The following CASP4 variants were observed in gnomAD, a reference collection of about 807,000 sequenced individuals.
The protein encoded by CASP4 is caspase-4.
A neutral mutation model predicts 41.3 loss-of-function variants in CASP4; 29 were observed. The ratio of observed to expected loss-of-function variants is 0.70; its 90% CI spans 0.52 to 0.96. The LOEUF is 0.96. Ranked by LOEUF, CASP4 falls within the 40% of genes least tolerant of loss-of-function variation. The probability of loss-of-function intolerance (pLI) is 0.00; values close to 1 mark genes in which losing one functional copy is unlikely to be tolerated. For missense variants in CASP4, 447 were observed against 460.6 expected (o/e 0.97, Z 0.27); for synonymous variants, 185 against 158.4 (o/e 1.17, Z -1.26).
At position 104,948,708 on chromosome 11, in the gene CASP4, G is replaced by A. The variant is rs56205642; in HGVS notation, c.782-32C>T. The stretch of plus-strand genomic sequence containing the variant: ...AGACATTAACTTTCTGCACACTGCT[G>A]TGCCTCCCACAGAATGGCTGTCACA... On this transcript the variant is annotated intron_variant, in intron 5 of 8. Coordinates refer to ENST00000444739, the MANE Select transcript of CASP4 (RefSeq NM_001225.4). The A allele has an allele frequency of 4.6e-4, 709 of 1,543,566 alleles. 4 individuals carry two copies. The African/African-American group carries it at 8.7e-3, about 19-fold the overall frequency.
At chr11:104,959,446 CAAAT>C (rs1203505279) in intron 1 of CASP4, among the ~76,000 whole-genome samples, 17 of 152,116 alleles carry the variant, frequency 1.1e-4, no homozygotes, top group African/African-American at 2.2e-4. Context: ...GTTTATTTGT[CAAAT>C]AAATAAATAA....
intron 1 of CASP4, among the ~76,000 whole-genome samples, chr11:104,961,465 CTTGTCTGT>C (rs57939248): frequency 0.015 from 2,298 of 151,952 alleles, 59 homozygotes; most frequent in African/African-American, 0.053. Flanking sequence ...CTTCTCTCGA[CTTGTCTGT>C]AGCTCTATGA....
At chr11:104,967,908 A>T (rs567685690) in intron 1 of CASP4, among the ~76,000 whole-genome samples, 1 of 152,158 alleles carries the variant, frequency 6.6e-6, no homozygotes, top group Non-Finnish European at 1.5e-5. Flanking sequence ...AGGTGACCTA[A>T]AAGTTGTGTG....
At position 104,949,762 on chromosome 11, in the gene CASP4, G is replaced by A; in HGVS notation, c.562C>T (p.Leu188=). 6.2e-7 allele frequency: 1 copy of A among 1,613,782 alleles called. No homozygotes were observed. The highest frequency in any genetic ancestry group is 8.5e-7 in the Non-Finnish European group (1 of 1,179,836). ...NLTARDMESA[L]RAFATRPEHK... The stretch of plus-strand genomic sequence containing the variant: ...TCTGGTCTGGTAGCAAATGCCCTCA[G>A]CGCTGACTCCATATCCTGTAAAAGA... Residue 188 remains leucine (L), a synonymous_variant, in exon 5 of 9, where the codon CTG becomes TTG. Coordinates refer to ENST00000444739, the MANE Select transcript of CASP4 (RefSeq NM_001225.4).
At chr11:104,946,722 C>T (rs999163891) in intron 7 of CASP4, 1 of 166,402 alleles carries the variant, frequency 6.0e-6, no homozygotes, top group African/African-American at 2.4e-5. Context: ...TCATGTAGGC[C>T]TCATTTACCC....
chr11:104,946,041 T>A (rs1860450716), intron 7 of CASP4, among the ~76,000 whole-genome samples: 1 of 152,032 alleles, frequency 6.6e-6, no homozygotes, highest in African/African-American at 2.4e-5. Flanking sequence ...AGATGGGTTT[T>A]GCCATGTTGC....
intron 1 of CASP4, among the ~76,000 whole-genome samples, chr11:104,959,577 C>T (rs762603287): frequency 6.9e-4 from 105 of 152,282 alleles, no homozygotes; most frequent in Non-Finnish European, 1.2e-3. Context: ...ATGTGGATGT[C>T]GGTATTGAAA....
chr11:104,968,190 CAAAA>C (rs1861017208), intron 1 of CASP4, among the ~76,000 whole-genome samples: 7 of 152,138 alleles, frequency 4.6e-5, no homozygotes, highest in Admixed American at 3.9e-4. Context: ...AATTTGGAAT[CAAAA>C]GAAAGATTTC....
intron 7 of CASP4, chr11:104,946,639 C>G (rs1283140341): frequency 6.6e-6 from 1 of 152,412 alleles, no homozygotes; most frequent in African/African-American, 2.4e-5. Flanking sequence ...TCTGTAAGCA[C>G]ATATTTGTTT....
At chr11:104,943,061 C>T (rs1200173004) in intron 8 of CASP4, 88 bp from the exon 9 acceptor site, 2 of 435,642 alleles carry the variant, frequency 4.6e-6, no homozygotes, top group Non-Finnish European at 9.2e-6. Context: ...CTTGCATCCT[C>T]TTCCATGTGC....
chr11:104,943,071 C>A (rs1261217112), intron 8 of CASP4, 98 bp from the exon 9 acceptor site: 2 of 419,648 alleles, frequency 4.8e-6, no homozygotes, highest in Admixed American at 2.8e-5. Context: ...CTTCCATGTG[C>A]TCTTGCCACT....
intron 8 of CASP4, chr11:104,944,392 G>C: frequency 5.1e-6 from 1 of 197,626 alleles, no homozygotes; most frequent in East Asian, 1.3e-4. Flanking sequence ...GTGTGTGTGT[G>C]TGTAAGAAAG....
At chr11:104,955,510 AC>A (rs1484668695) in intron 1 of CASP4, among the ~76,000 whole-genome samples, 1 of 152,028 alleles carries the variant, frequency 6.6e-6, no homozygotes, top group Non-Finnish European at 1.5e-5. Context: ...TACATCCTAT[AC>A]CCACATCTTT....
chr11:104,949,243 C>T, intron 5 of CASP4: 1 of 416,380 alleles, frequency 2.4e-6, no homozygotes, highest in Non-Finnish European at 4.4e-6. Context: ...ATTTACAAAT[C>T]AAGCTATCAT....
intron 8 of CASP4, 38 bp from the exon 9 acceptor site, chr11:104,943,011 AC>A: frequency 4.4e-6 from 2 of 453,932 alleles, no homozygotes; most frequent in Non-Finnish European, 4.4e-6. Flanking sequence ...CAAGATGGTT[AC>A]CCCTTGCTGC....
intron 1 of CASP4, among the ~76,000 whole-genome samples, chr11:104,959,668 C>T (rs1280894577): frequency 6.6e-6 from 1 of 152,152 alleles, no homozygotes; most frequent in Non-Finnish European, 1.5e-5. Context: ...ATGAACTGTT[C>T]ATTTTTTCAT....
chr11:104,949,208 C>A, intron 5 of CASP4: 1 of 353,960 alleles, frequency 2.8e-6, no homozygotes, highest in South Asian at 3.4e-5. Context: ...TCTCAAACCA[C>A]ACAATGTCAA....
intron 8 of CASP4, chr11:104,944,152 G>C (rs1035149969): frequency 6.6e-6 from 1 of 152,328 alleles, no homozygotes; most frequent in South Asian, 2.1e-4. Flanking sequence ...CTGAGAACCA[G>C]AGCCTGGATC....
At chr11:104,955,075 C>A in intron 1 of CASP4, 74 bp from the exon 2 acceptor site, 1 of 1,416,218 alleles carries the variant, frequency 7.1e-7, no homozygotes, top group Non-Finnish European at 9.6e-7. Flanking sequence ...AGATATAGTT[C>A]TATAATGTGA....
Sources: allele counts gnomAD v4.1 joint callset (sites outside exome capture counted in the v4.1 genomes callset), GRCh38; gene constraint gnomAD v4.1.1; transcripts MANE v1.5; gene names NCBI Gene and HGNC (gene_info 2026-07-23, HGNC 2026-07-21).